The following ZBTB20 variants were observed in gnomAD, a reference collection of about 807,000 sequenced individuals.
ZBTB20 encodes the protein zinc finger and BTB domain containing 20, also known as zinc finger and BTB domain-containing protein 20.
ZBTB20 carries 9 observed loss-of-function variants against 56.9 expected under a neutral mutation model. That is an observed-to-expected ratio of 0.16 (90% CI 0.10 to 0.28). The LOEUF (loss-of-function observed/expected upper bound fraction) is 0.28. ZBTB20 is among the 10% of genes least tolerant of loss of function. ZBTB20 has a pLI of 1.00. For synonymous variants in ZBTB20, 417 were observed against 420.7 expected (o/e 0.99, Z 0.11); for missense variants, 655 against 1,003.0 (o/e 0.65, Z 4.69).
At chr3:114,643,947 T>A (rs1287361910) in intron 6 of ZBTB20, among the ~76,000 whole-genome samples, 2 of 152,082 alleles carry the variant, frequency 1.3e-5, no homozygotes, top group Admixed American at 1.3e-4. Context: ...TCCTTAACAG[T>A]GAGATTCTAC....
At chr3:114,631,941 G>A (rs1578069108) in intron 6 of ZBTB20, among the ~76,000 whole-genome samples, 1 of 152,134 alleles carries the variant, frequency 6.6e-6, no homozygotes, top group Non-Finnish European at 1.5e-5. Flanking sequence ...ATAATTACAG[G>A]TAGAGTTTAA....
At chr3:114,438,001 CA>C (rs1400600946) in intron 7 of ZBTB20, among the ~76,000 whole-genome samples, 2 of 152,164 alleles carry the variant, frequency 1.3e-5, no homozygotes, top group East Asian at 3.9e-4. Context: ...TGTGTTTGTA[CA>C]AAACTCAGCA....
chr3:114,371,207 G>A (rs2108441896), intron 10 of ZBTB20, among the ~76,000 whole-genome samples: 1 of 152,272 alleles, frequency 6.6e-6, no homozygotes, highest in African/African-American at 2.4e-5. Context: ...GAGCTCAAAT[G>A]GAGCCATGTC....
intron 6 of ZBTB20, among the ~76,000 whole-genome samples, chr3:114,639,116 C>T (rs759528975): frequency 1.1e-4 from 17 of 152,042 alleles, no homozygotes; most frequent in Non-Finnish European, 2.1e-4. Context: ...AAACTATTAT[C>T]GCATTTGCTT....
At chr3:114,461,158 C>G (rs575725389) in intron 7 of ZBTB20, among the ~76,000 whole-genome samples, 4 of 152,114 alleles carry the variant, frequency 2.6e-5, no homozygotes, top group Non-Finnish European at 5.9e-5. Flanking sequence ...TTCTTGAGTG[C>G]CAGAGACCTG....
chr3:114,892,102 T>G (rs915543024), intron 4 of ZBTB20, among the ~76,000 whole-genome samples: 1 of 152,226 alleles, frequency 6.6e-6, no homozygotes, highest in Non-Finnish European at 1.5e-5. Flanking sequence ...ACATACTTAT[T>G]ATGTCCTAAA....
At position 114,689,478 on chromosome 3, in the gene ZBTB20, G is replaced by A. The variant is rs969057285; in HGVS notation, c.-295+4050C>T. On this transcript the variant is annotated intron_variant, in intron 6 of 11. Transcript: ENST00000675478. Reference sequence around the variant, plus strand: ...GGTGGAAGGTGTATCGTACTAGTTCGTTCTAAGAAATGTCTTATAGCTTGA... The same window carrying A: ...GGTGGAAGGTGTATCGTACTAGTTCATTCTAAGAAATGTCTTATAGCTTGA... Among the ~76,000 whole-genome samples, 10 of 152,130 alleles carry A rather than the reference G, an allele frequency of 6.6e-5. No homozygotes were observed. In the South Asian group the frequency reaches 8.3e-4, roughly 13 times the overall value.
chr3:114,489,009 A>C (rs955166845), intron 7 of ZBTB20, among the ~76,000 whole-genome samples: 1 of 152,236 alleles, frequency 6.6e-6, no homozygotes, highest in African/African-American at 2.4e-5. Flanking sequence ...AAAGAGAAAG[A>C]AAAAGAGAAA....
chr3:114,523,747 A>G (rs988844011), intron 6 of ZBTB20, among the ~76,000 whole-genome samples: 12 of 152,060 alleles, frequency 7.9e-5, no homozygotes, highest in African/African-American at 2.9e-4. Context: ...GATGGTTTCT[A>G]TTTTTTCAGT....
In ZBTB20 at chr3:114,753,432, T is replaced by TATATATATATACACAC. The variant is rs1205435166; in HGVS notation, c.-343+47668_-343+47669insGTGTGTATATATATAT. Among the ~76,000 whole-genome samples, 5 of 43,528 alleles carry TATATATATATACACAC rather than the reference T, an allele frequency of 1.1e-4. 1 individual carries two copies. The highest frequency in any genetic ancestry group is 3.9e-4 in the African/African-American group (5 of 12,948). The allele number at this position is 43,528 out of a possible 152,430, so 28.6% of individuals were successfully genotyped here. A position where few individuals can be genotyped will look rare whatever the true frequency, so the allele number is the denominator to read the frequency against. ...ACACACGTATATATATATATATATA[T>TATATATATATACACAC]ACACACACACTTTTTTTTTTGAGAC... On this transcript the variant is annotated intron_variant, in intron 5 of 11. Transcript: ENST00000675478.
intron 1 of ZBTB20, among the ~76,000 whole-genome samples, chr3:115,139,256 A>C (rs1165405861): frequency 6.6e-6 from 1 of 152,076 alleles, no homozygotes. Context: ...GTTTCCATCT[A>C]AGGTAATGTT....
chr3:114,935,142 G>A (rs1000203627), intron 3 of ZBTB20, among the ~76,000 whole-genome samples: 4 of 152,178 alleles, frequency 2.6e-5, no homozygotes, highest in African/African-American at 9.7e-5. Context: ...TAATAGACCA[G>A]ACTGTCTGCA....
chr3:115,048,204 G>C (rs1276005165), intron 2 of ZBTB20, among the ~76,000 whole-genome samples: 2 of 152,064 alleles, frequency 1.3e-5, no homozygotes, highest in African/African-American at 4.8e-5. Context: ...CAGCCTGGGC[G>C]ACAGAGCGAG....
At position 114,333,261 on chromosome 3, in the gene ZBTB20, T is replaced by C. The variant is rs1369413556; in HGVS notation, c.*5744A>G. The C allele has an allele frequency of 6.6e-6, 1 of 152,206 alleles. No individual in the cohort carries two copies. Among genetic ancestry groups the C allele is most frequent in the African/African-American group, 2.4e-5 (1 of 41,454 alleles). The allele number at this position is 152,206 out of a possible 1,614,324, so 9.4% of individuals were successfully genotyped here. ...TAAGTGATATCAGAAATAGCAACTC[T>C]ACACGGAAAGCCCTTGGGAATATGA... On this transcript the variant is annotated 3_prime_UTR_variant, in exon 12 of 12. Coordinates refer to ENST00000675478, the MANE Select transcript of ZBTB20 (RefSeq NM_001348800.3).
chr3:114,810,123 G>T (rs940685382), intron 4 of ZBTB20, among the ~76,000 whole-genome samples: 5 of 152,136 alleles, frequency 3.3e-5, no homozygotes, highest in Non-Finnish European at 5.9e-5. Flanking sequence ...AGTTCAGGCA[G>T]TTTACAAGTG....
intron 5 of ZBTB20, among the ~76,000 whole-genome samples, chr3:114,753,300 G>T (rs2067710331): frequency 7.2e-6 from 1 of 139,646 alleles, no homozygotes; most frequent in Non-Finnish European, 1.5e-5. Flanking sequence ...ATGTATACCT[G>T]TATATATAAT....
At chr3:114,349,689 C>T (rs2080482715) in intron 11 of ZBTB20, among the ~76,000 whole-genome samples, 1 of 152,140 alleles carries the variant, frequency 6.6e-6, no homozygotes, top group Non-Finnish European at 1.5e-5. Context: ...TGAATGTCTC[C>T]TCCTCTTAAC....
intron 2 of ZBTB20, among the ~76,000 whole-genome samples, chr3:115,020,624 A>G (rs974418496): frequency 1.3e-5 from 2 of 151,000 alleles, no homozygotes; most frequent in African/African-American, 2.4e-5. Flanking sequence ...AAAAGATAAA[A>G]TCTAGAGACT....
At chr3:115,044,689 T>C (rs954250352) in intron 2 of ZBTB20, among the ~76,000 whole-genome samples, 1 of 152,230 alleles carries the variant, frequency 6.6e-6, no homozygotes, top group African/African-American at 2.4e-5. Flanking sequence ...TATTTGGCAG[T>C]GCCAAGTTTA....
Sources: gnomAD v4.1 joint callset for allele counts (sites outside exome capture counted in the v4.1 genomes callset) on GRCh38, gnomAD v4.1.1 for gene constraint, MANE v1.5 for transcripts, NCBI Gene and HGNC (gene_info 2026-07-23, HGNC 2026-07-21) for gene names.